The following ZNF507 variants were observed in gnomAD, a reference collection of about 807,000 sequenced individuals.
The protein encoded by ZNF507 is zinc finger protein 507.
Under a neutral mutation model 80.0 loss-of-function variants are expected in ZNF507, and 29 were observed. The observed-to-expected ratio is 0.36, with a 90% CI of 0.27 to 0.49. The LOEUF (loss-of-function observed/expected upper bound fraction) is 0.49. ZNF507 is among the 20% of genes least tolerant of loss of function. ZNF507 has a pLI of 0.98. For synonymous variants in ZNF507, 462 were observed against 422.5 expected, an observed-to-expected ratio of 1.09 and a Z score of -1.15; for missense variants, 1,081 against 1,152.2, an observed-to-expected ratio of 0.94 and a Z score of 0.90.
intron 6 of ZNF507, 22 bp downstream of exon 6, chr19:32,382,623 C>T: frequency 6.2e-7 from 1 of 1,613,892 alleles, no homozygotes; most frequent in Non-Finnish European, 8.5e-7. Flanking sequence ...TACCCCCTCC[C>T]TTTATTGCTA....
rs1401451422 is a variant in ZNF507 at position 32,354,669 on chromosome 19, C to A, written c.1839C>A (p.Asp613Glu). Residue 613 changes from aspartate to glutamate, a missense_variant, in exon 3 of 7, where the codon GAC becomes GAA. Transcript: ENST00000355898. ...ATGACATTTTGAAAGAGTTGCAGGA[C>A]AACGCCCAGTGCCAACCCAACAGCG... Reference protein sequence around the residue: ...SDDDILKELQDNAQCQPNSDT... With the variant: ...SDDDILKELQENAQCQPNSDT... 9 of 1,614,048 alleles carry A rather than the reference C, an allele frequency of 5.6e-6. No individual in the cohort carries two copies. The Admixed American group carries it at 1.3e-4, about 24-fold the overall frequency.
At chr19:32,347,690 A>G (rs956251696) in intron 2 of ZNF507, among the ~76,000 whole-genome samples, 1 of 151,952 alleles carries the variant, frequency 6.6e-6, no homozygotes, top group Non-Finnish European at 1.5e-5. Flanking sequence ...CAGAGGCATT[A>G]CTCCCTAGAC....
chr19:32,360,329 T>C (rs1262444123), intron 4 of ZNF507, among the ~76,000 whole-genome samples, 175 bp from the exon 5 acceptor site: 2 of 152,220 alleles, frequency 1.3e-5, no homozygotes, highest in African/African-American at 4.8e-5. Flanking sequence ...CTGCTGATAG[T>C]GTATATGCAG....
In ZNF507 at chr19:32,353,029, G is replaced by A. The variant is rs749610295; in HGVS notation, c.199G>A (p.Gly67Arg). Residue 67 changes from glycine to arginine, a missense_variant, in exon 3 of 7, where the codon GGG (glycine) becomes AGG (arginine). Gly to Arg is a moderately radical substitution (Grantham distance 125). Transcript: ENST00000355898. ...NEKSQKCLLI[G>R]KKRPRSSAAT... ...AAAGTCACAAAAATGTCTTTTAATT[G>A]GGAAGAAACGCCCACGTTCAAGTGC... is the stretch of plus-strand genomic sequence containing the variant. The A allele has an allele frequency of 6.2e-7, 1 of 1,613,880 alleles. No homozygotes were observed. Among genetic ancestry groups the A allele is most frequent in the Non-Finnish European group, 8.5e-7 (1 of 1,179,942 alleles).
intron 5 of ZNF507, among the ~76,000 whole-genome samples, chr19:32,366,084 A>G (rs1038434060): frequency 3.3e-5 from 5 of 152,044 alleles, no homozygotes; most frequent in Non-Finnish European, 7.4e-5. Flanking sequence ...AAAAATACCC[A>G]TTTTCCCCTA....
intron 5 of ZNF507, among the ~76,000 whole-genome samples, chr19:32,365,255 T>G (rs572925876): frequency 1.1e-4 from 17 of 152,320 alleles, no homozygotes; most frequent in South Asian, 6.2e-4. Flanking sequence ...CTTTGTCAGA[T>G]GTATAGATTG....
intron 4 of ZNF507, 105 bp from the exon 5 acceptor site, chr19:32,360,399 T>C: frequency 1.9e-6 from 1 of 532,188 alleles, no homozygotes; most frequent in Admixed American, 3.9e-5. Flanking sequence ...GATTGAAATA[T>C]TAATACAACT....
rs544081137 is a variant in ZNF507, at chr19:32,347,263, T to C, written c.-78T>C. 2.0e-5 allele frequency: 3 copies of C among 152,842 alleles called. No homozygotes were observed. The highest frequency in any genetic ancestry group is 2.1e-4 in the South Asian group (1 of 4,830). 9.5% of individuals were successfully genotyped at this position (152,842 alleles called of 1,614,324 possible). A position where few individuals can be genotyped will look rare whatever the true frequency, so the allele number is the denominator to read the frequency against. ...GCCACAGCTGGATTTTGAAGATTGA[T>C]CCAAGGGACTGTATTAATTTCAGGA... On this transcript the variant is annotated 5_prime_UTR_variant, in exon 2 of 7. Transcript: ENST00000355898.
intron 5 of ZNF507, among the ~76,000 whole-genome samples, chr19:32,379,979 A>C (rs1319879787): frequency 6.6e-6 from 1 of 152,124 alleles, no homozygotes; most frequent in East Asian, 1.9e-4. Context: ...CTTCAGCCTT[A>C]ATAGATATTG....
intron 5 of ZNF507, among the ~76,000 whole-genome samples, chr19:32,378,438 G>A (rs1402844794): frequency 6.6e-6 from 1 of 152,110 alleles, no homozygotes; most frequent in East Asian, 1.9e-4. Flanking sequence ...TGTCCTGGAT[G>A]GGGTCGTGGA....
Position 32,353,463 on chromosome 19 carries a change from T to G in ZNF507, c.633T>G (p.Ile211Met). The G allele has an allele frequency of 6.2e-7, 1 of 1,614,150 alleles. No homozygotes were observed. The highest frequency in any genetic ancestry group is 8.5e-7 in the Non-Finnish European group (1 of 1,180,022). Residue 211 changes from isoleucine to methionine, a missense_variant, in exon 3 of 7, where the codon ATT (isoleucine) becomes ATG (methionine). Physicochemically the swap from Ile to Met is conservative, Grantham distance 10 (BLOSUM62 1). Transcript: ENST00000355898. ...CRKTTERNET[I>M]PDIPVSVDNL... ...AAACCACAGAAAGAAATGAAACCATTCCAGATATCCCAGTAAGTGTGGACA... is the reference window on the plus strand; with the variant it reads ...AAACCACAGAAAGAAATGAAACCATGCCAGATATCCCAGTAAGTGTGGACA...
intron 5 of ZNF507, among the ~76,000 whole-genome samples, chr19:32,372,306 C>T (rs1967484896): frequency 6.6e-6 from 1 of 152,026 alleles, no homozygotes; most frequent in Admixed American, 6.6e-5. Flanking sequence ...GCCTATATTC[C>T]ATTTTTGTGC....
chr19:32,368,968 C>A (rs1349454847), intron 5 of ZNF507, among the ~76,000 whole-genome samples: 2 of 152,196 alleles, frequency 1.3e-5, no homozygotes, highest in Non-Finnish European at 2.9e-5. Context: ...TAACCTTGGT[C>A]CCAGGCCAGG....
At chr19:32,377,612 C>T (rs533066312) in intron 5 of ZNF507, among the ~76,000 whole-genome samples, 33 of 152,234 alleles carry the variant, frequency 2.2e-4, no homozygotes, top group South Asian at 4.1e-4. Flanking sequence ...GGCTTGCTGC[C>T]CACATCCCAA....
Position 32,354,645 on chromosome 19 carries a change from T to C in ZNF507, c.1815T>C (p.Asp605=). The C allele has an allele frequency of 1.9e-6, 3 of 1,614,164 alleles. No homozygotes were observed. The highest frequency in any genetic ancestry group is 2.5e-6 in the Non-Finnish European group (3 of 1,180,032). The change falls in exon 3 of 7, where the codon GAT becomes GAC. Residue 605 remains aspartate, a synonymous_variant. Coordinates refer to ENST00000355898, the MANE Select transcript of ZNF507 (RefSeq NM_001136156.2). The stretch of plus-strand genomic sequence containing the variant: ...GGACAGACCAAAACGCTTCAGACGA[T>C]GACATTTTGAAAGAGTTGCAGGACA... The part of the protein sequence containing the change: ...RERTDQNASD[D]DILKELQDNA...
intron 5 of ZNF507, among the ~76,000 whole-genome samples, chr19:32,363,392 G>T (rs1967355727): frequency 6.6e-6 from 1 of 152,196 alleles, no homozygotes; most frequent in African/African-American, 2.4e-5. Context: ...GTTTTCTGTA[G>T]TGGTGAAACC....
intron 5 of ZNF507, among the ~76,000 whole-genome samples, chr19:32,381,691 TTTG>T (rs1375575662): frequency 6.6e-6 from 1 of 152,130 alleles, no homozygotes; most frequent in Non-Finnish European, 1.5e-5. Context: ...ACTATGGACT[TTTG>T]TTAATAAAAA....
At chr19:32,360,909 T>C (rs1390833352) in intron 5 of ZNF507, among the ~76,000 whole-genome samples, 3 of 152,208 alleles carry the variant, frequency 2.0e-5, no homozygotes, top group East Asian at 1.9e-4. Flanking sequence ...AGTGCTGGGA[T>C]TGCAGGCGTG....
intron 4 of ZNF507, among the ~76,000 whole-genome samples, chr19:32,360,071 C>CT (rs1292275481): frequency 6.6e-6 from 1 of 152,250 alleles, no homozygotes; most frequent in East Asian, 1.9e-4. Flanking sequence ...CATAGCCACA[C>CT]TTTATAATAT....
Sources: gnomAD v4.1 joint callset for allele counts (sites outside exome capture counted in the v4.1 genomes callset) on GRCh38, gnomAD v4.1.1 for gene constraint, MANE v1.5 for transcripts, NCBI Gene and HGNC (gene_info 2026-07-23, HGNC 2026-07-21) for gene names.